PDXDC1: variants seen among roughly 807,000 people sequenced by gnomAD.
PDXDC1 encodes the protein pyridoxal dependent decarboxylase domain containing 1.
In PDXDC1, 42 loss-of-function variants were observed where a neutral mutation model predicts 100.1. The ratio of observed to expected loss-of-function variants is 0.42; its 90% CI spans 0.33 to 0.54. The LOEUF (loss-of-function observed/expected upper bound fraction) is 0.54, where lower values mean the gene tolerates loss of function less well. PDXDC1 is among the 20% of genes least tolerant of loss of function. PDXDC1 has a pLI of 0.10. For synonymous variants in PDXDC1, 260 were observed against 371.7 expected (o/e 0.70, Z 3.46); for missense variants, 636 against 979.2 (o/e 0.65, Z 4.68).
chr16:15,150,347 CAATAAATAAATAAATA>C, the PDXDC1 span, among the ~76,000 whole-genome samples: 8 of 141,112 alleles, frequency 5.7e-5, no homozygotes, highest in South Asian at 2.3e-4. Context: ...TCTCAAATAA[CAATAAATAAATAAATA>C]AATAAATAAA....
At chr16:14,989,146 C>T in intron 1 of PDXDC1, 1 of 1,614,232 alleles carries the variant, frequency 6.2e-7, no homozygotes, top group Non-Finnish European at 8.5e-7. Context: ...AAGAGCTGAG[C>T]CCAGAGGAGC....
chr16:15,011,694 T>G (rs1435782534), intron 8 of PDXDC1, among the ~76,000 whole-genome samples: 2 of 152,194 alleles, frequency 1.3e-5, no homozygotes, highest in East Asian at 3.8e-4. Flanking sequence ...GATGGAGTTT[T>G]GCTGTGCTGC....
intron 16 of PDXDC1, among the ~76,000 whole-genome samples, chr16:15,111,756 CAAAAAA>C (rs1202549941): frequency 1.7e-5 from 1 of 58,600 alleles, no homozygotes; most frequent in Non-Finnish European, 3.0e-5. Flanking sequence ...GACTCCGTCT[CAAAAAA>C]AAAAAAAAAA....
At position 15,017,413 on chromosome 16, in the gene PDXDC1, C is replaced by T; in HGVS notation, c.954C>T (p.Asp318=). Residue 318 remains aspartate, a synonymous_variant, in exon 11 of 23, where the codon GAC becomes GAT. Transcript: ENST00000396410. ...VPAVTLYKHD[D]PALTLVAGLT... is the part of the protein sequence containing the mutation. The stretch of plus-strand genomic sequence containing the variant: ...CGGTGACACTGTATAAACACGATGA[C>T]CCTGCCTTGGTAAGTTTCCACTCAC... 1.2e-6 allele frequency: 2 copies of T among 1,614,060 alleles called. No individual in the cohort carries two copies. Among genetic ancestry groups the T allele is most frequent in the East Asian group, 2.2e-5 (1 of 44,882 alleles).
intron 16 of PDXDC1, chr16:15,135,173 G>A: frequency 8.1e-6 from 7 of 863,030 alleles, no homozygotes; most frequent in South Asian, 1.4e-5. Flanking sequence ...CAGAAACAGA[G>A]AGGGAAGAGC....
intron 16 of PDXDC1, among the ~76,000 whole-genome samples, chr16:15,089,291 G>A (rs2046025582): frequency 6.6e-6 from 1 of 151,912 alleles, no homozygotes; most frequent in African/African-American, 2.4e-5. Context: ...ACTCTGTTCT[G>A]CCCGTCCCCA....
intron 16 of PDXDC1, among the ~76,000 whole-genome samples, chr16:15,056,286 G>T (rs1007177892): frequency 2.8e-4 from 42 of 152,348 alleles, no homozygotes; most frequent in Admixed American, 1.3e-3. Flanking sequence ...GGGAGTGAAG[G>T]AGCGGGGAAA....
intron 5 of PDXDC1, among the ~76,000 whole-genome samples, chr16:15,005,150 A>G (rs2151391416): frequency 6.6e-6 from 1 of 152,388 alleles, no homozygotes; most frequent in Admixed American, 6.5e-5. Flanking sequence ...CAAGGTGAGG[A>G]GATCGAGACC....
chr16:15,122,560 G>A lies in PDXDC1; in HGVS notation c.1400-16319G>A, dbSNP rs563875394. Among the ~76,000 whole-genome samples the A allele has an allele frequency of 4.4e-3, 653 of 147,692 alleles. 2 individuals are homozygous for A. Among genetic ancestry groups the A allele is most frequent in the African/African-American group, 0.016 (629 of 39,668 alleles). On this transcript the variant is annotated intron_variant, in intron 16 of 16. Coordinates refer to the PDXDC1 transcript ENST00000535621. Reference sequence around the variant, plus strand: ...AAAAGGAAGAAACCCCGCGGGTCCAGCGTCTACTCACACAGGTGGACTGAT... The same window carrying A: ...AAAAGGAAGAAACCCCGCGGGTCCAACGTCTACTCACACAGGTGGACTGAT...
chr16:14,976,072 T>C (rs1966793363), intron 1 of PDXDC1, among the ~76,000 whole-genome samples: 1 of 152,296 alleles, frequency 6.6e-6, no homozygotes, highest in Non-Finnish European at 1.5e-5. Context: ...TGCTCTACCA[T>C]GTGAAACGGA....
chr16:15,025,115 G>A (rs1344239134), intron 13 of PDXDC1: 4 of 152,346 alleles, frequency 2.6e-5, no homozygotes, highest in African/African-American at 9.6e-5. Flanking sequence ...TTTGGTTCTT[G>A]GTTATATTTA....
At chr16:15,117,423 C>A (rs1378949776) in intron 16 of PDXDC1, among the ~76,000 whole-genome samples, 3 of 147,534 alleles carry the variant, frequency 2.0e-5, no homozygotes, top group Admixed American at 6.8e-5. Context: ...CACTGGGAGG[C>A]CGAGGCAGGC....
rs1480159163 is a variant in PDXDC1 at position 15,135,622 on chromosome 16, T to G, written c.1400-3257T>G. The G allele has an allele frequency of 4.4e-5, 69 of 1,557,550 alleles. No homozygotes were observed. In the Middle Eastern group the frequency reaches 7.0e-4, roughly 16 times the overall value. On this transcript the variant is annotated intron_variant, in intron 16 of 16. Coordinates refer to the PDXDC1 transcript ENST00000535621. ...CATGGGTGTGGACGGGTGAGGGGCATGGAGGACGGCCCTGCCACGCACTGA... is the reference window on the plus strand; with the variant it reads ...CATGGGTGTGGACGGGTGAGGGGCAGGGAGGACGGCCCTGCCACGCACTGA...
chr16:15,048,487 T>A (rs2044170159), intron 16 of PDXDC1, among the ~76,000 whole-genome samples: 1 of 151,958 alleles, frequency 6.6e-6, no homozygotes, highest in South Asian at 2.1e-4. Flanking sequence ...CCCAAAGTGC[T>A]GGGATTACAG....
rs368657760 is a variant in PDXDC1 at position 15,028,953 on chromosome 16, C to T, written c.1280C>T (p.Ala427Val). Residue 427 changes from alanine to valine, a missense_variant, in exon 15 of 23, where the codon GCG becomes GTG. Physicochemically the swap from Ala to Val is moderately conservative, Grantham distance 64. This residue lies in a region of PDXDC1 where 44 missense variants were observed against 46.9 expected (regional missense o/e 0.94). Coordinates refer to ENST00000396410, the MANE Select transcript of PDXDC1 (RefSeq NM_015027.4). ...GVGRERHSCD[A>V]LNRWLGEQLK... ...GGCCGGGAGAGGCACTCGTGTGACG[C>T]GCTGAATCGCTGGGTGAGAATGGCA... 58 of 1,612,898 alleles carry T rather than the reference C, an allele frequency of 3.6e-5. No individual in the cohort carries two copies. Among genetic ancestry groups the T allele is most frequent in the African/African-American group, 1.7e-4 (13 of 74,948 alleles).
At chr16:15,145,151 T>G in the PDXDC1 span, among the ~76,000 whole-genome samples, 1 of 151,982 alleles carries the variant, frequency 6.6e-6, no homozygotes, top group East Asian at 1.9e-4. Flanking sequence ...AGAGTGTCAA[T>G]GGAGGAAGCC....
intron 16 of PDXDC1, chr16:15,130,761 T>G: frequency 7.7e-7 from 1 of 1,296,882 alleles, no homozygotes; most frequent in South Asian, 1.2e-5. Flanking sequence ...GACTGCCAGG[T>G]AGGGCTCGGG....
intron 16 of PDXDC1, chr16:15,109,092 C>G (rs1205191236): frequency 7.0e-6 from 1 of 142,778 alleles, no homozygotes; most frequent in East Asian, 2.0e-4. Context: ...AGCAAGATAA[C>G]ATGCTACTAG....
intron 1 of PDXDC1, among the ~76,000 whole-genome samples, chr16:14,984,497 T>TATATATATATA (rs1221650484): frequency 2.1e-3 from 78 of 36,786 alleles, no homozygotes; most frequent in African/African-American, 4.3e-3. Context: ...ATATATATAT[T>TATATATATATA]TTTTTTTTTT....
Sources: gnomAD v4.1 joint callset for allele counts (sites outside exome capture counted in the v4.1 genomes callset) on GRCh38, gnomAD v4.1.1 for gene constraint, gnomAD v4.1.1 regional missense constraint, MANE v1.5 for transcripts, NCBI Gene and HGNC (gene_info 2026-07-23, HGNC 2026-07-21) for gene names.